Variants in ITGAL observed in about 807,000 individuals in gnomAD.
ITGAL encodes the protein integrin subunit alpha L.
ITGAL carries 68 observed loss-of-function variants against 138.4 expected under a neutral mutation model. That is an observed-to-expected ratio of 0.49 (90% CI 0.40 to 0.60). ITGAL has a LOEUF of 0.60. ITGAL is among the 20% of genes least tolerant of loss of function. ITGAL has a pLI of 0.00. For synonymous variants in ITGAL, 561 were observed against 584.3 expected (o/e 0.96, Z 0.57); for missense variants, 1,256 against 1,478.6 (o/e 0.85, Z 2.47).
At chr16:30,475,084 C>T (rs1299736539) in intron 2 of ITGAL, among the ~76,000 whole-genome samples, 1 of 152,030 alleles carries the variant, frequency 6.6e-6, no homozygotes, top group South Asian at 2.1e-4. Flanking sequence ...GTCTCAAGTT[C>T]CTGACCTCAG....
intron 21 of ITGAL, among the ~76,000 whole-genome samples, chr16:30,508,152 C>T (rs1297585208): frequency 2.0e-5 from 3 of 151,640 alleles, no homozygotes; most frequent in Admixed American, 6.6e-5. Flanking sequence ...TCATGATCCA[C>T]CCGCCTCAGC....
chr16:30,494,727 C>T lies in ITGAL; in HGVS notation c.1380C>T (p.Phe460=), dbSNP rs547379546. 4.2e-5 allele frequency: 68 copies of T among 1,609,360 alleles called. 1 individual carries two copies. In the Middle Eastern group the frequency reaches 1.5e-3, roughly 36 times the overall value. ...TIHGTQIGSY[F]GGELCGVDVD... ...TCTCCCCACAGATTGGCTCTTATTT[C>T]GGTGGGGAGCTGTGTGGCGTCGACG... Residue 460 remains phenylalanine (F), a synonymous_variant, in exon 13 of 31, where the codon TTC becomes TTT. Transcript: ENST00000356798. This position sits in a 1 kb window ranked among gnomAD's most constrained non-coding sequence, Gnocchi z 4.2.
chr16:30,491,387 C>T (rs1296093383), intron 11 of ITGAL, among the ~76,000 whole-genome samples: 3 of 151,226 alleles, frequency 2.0e-5, no homozygotes, highest in African/African-American at 7.3e-5. Context: ...GGTGACAGAG[C>T]AAAACTCTGT....
At chr16:30,481,617 T>G in intron 7 of ITGAL, 33 bp downstream of exon 7, 1 of 1,609,788 alleles carries the variant, frequency 6.2e-7, no homozygotes, top group Non-Finnish European at 8.5e-7. Flanking sequence ...GCACGTGTCC[T>G]GTGATTTGTT....
intron 7 of ITGAL, among the ~76,000 whole-genome samples, chr16:30,482,142 G>C (rs1027100797): frequency 1.3e-5 from 2 of 152,012 alleles, no homozygotes; most frequent in African/African-American, 4.8e-5. Context: ...TGATCCACCT[G>C]CCTCACCCTC....
chr16:30,508,773 C>T (rs1317751783), intron 21 of ITGAL, among the ~76,000 whole-genome samples: 2 of 151,980 alleles, frequency 1.3e-5, no homozygotes, highest in South Asian at 2.1e-4. Flanking sequence ...GTGGGTGGAT[C>T]GCTGGAGTCC....
intron 21 of ITGAL, chr16:30,509,568 A>G (rs907955851): frequency 6.6e-6 from 1 of 152,016 alleles, no homozygotes; most frequent in Non-Finnish European, 1.5e-5. Context: ...ATAGTGTTGC[A>G]ATTACCCCCC....
chr16:30,505,440 A>G lies in ITGAL; in HGVS notation c.2344A>G (p.Arg782Gly). The change falls in exon 20 of 31, where the codon AGA (arginine) becomes GGA (glycine). Residue 782 changes from arginine to glycine, a missense_variant. Arg to Gly is a moderately radical substitution (Grantham distance 125). Transcript: ENST00000356798. ...GEDKKCEANLRVSFSPARSRA... is the reference protein window; with the variant it reads ...GEDKKCEANLGVSFSPARSRA... ...GGACAAGAAGTGTGAGGCAAACTTGAGAGTGTCCTTCTCTCCTGCAAGGTC... is the reference window on the plus strand; with the variant it reads ...GGACAAGAAGTGTGAGGCAAACTTGGGAGTGTCCTTCTCTCCTGCAAGGTC... 1 of 1,613,878 alleles carries G rather than the reference A, an allele frequency of 6.2e-7. No homozygotes were observed. Among genetic ancestry groups the G allele is most frequent in the Non-Finnish European group, 8.5e-7 (1 of 1,179,940 alleles).
intron 25 of ITGAL, 67 bp from the exon 26 acceptor site, chr16:30,516,906 A>T: frequency 8.9e-7 from 1 of 1,118,816 alleles, no homozygotes; most frequent in Non-Finnish European, 1.4e-6. Context: ...GCAAGGGCAC[A>T]CAGGGTCTGG....
chr16:30,472,747 T>C lies in ITGAL; in HGVS notation c.-91T>C. The stretch of plus-strand genomic sequence containing the variant: ...GTAAGAGGCCAAAGGGCATGATCAT[T>C]TTCCTCTTTCACCCTGTCTAGGTTG... On this transcript the variant is annotated 5_prime_UTR_variant, in exon 1 of 31. Transcript: ENST00000356798. 4 of 1,178,914 alleles carry C rather than the reference T, an allele frequency of 3.4e-6. No homozygotes were observed. Among genetic ancestry groups the C allele is most frequent in the Non-Finnish European group, 5.0e-6 (4 of 801,650 alleles). 73.0% of individuals were successfully genotyped at this position (1,178,914 alleles called of 1,614,324 possible).
chr16:30,521,014 GCGGAGC>G (rs1233004897), intron 30 of ITGAL, among the ~76,000 whole-genome samples: 1 of 152,062 alleles, frequency 6.6e-6, no homozygotes, highest in Admixed American at 6.6e-5. Flanking sequence ...AACCTGGGAG[GCGGAGC>G]TTGCGGTGAG....
rs770074329 is a variant in ITGAL at position 30,499,319 on chromosome 16, C to T, written c.1994-19C>T. On this transcript the variant is annotated intron_variant, in intron 16 of 30. Transcript: ENST00000356798. ...GGGATCCCCCACCATTTAACTCTTG[C>T]CTTTTCCGCCCTGCCCAGGCCGCCT... 3 of 1,613,890 alleles carry T rather than the reference C, an allele frequency of 1.9e-6. No homozygotes were observed. The highest frequency in any genetic ancestry group is 2.2e-5 in the South Asian group (2 of 91,066).
In ITGAL at chr16:30,499,329, C is replaced by G. The variant is rs1271607916; in HGVS notation, c.1994-9C>G. On this transcript the variant is annotated splice_polypyrimidine_tract_variant and intron_variant, in intron 16 of 30. Coordinates refer to ENST00000356798, the MANE Select transcript of ITGAL (RefSeq NM_002209.3). ...ACCATTTAACTCTTGCCTTTTCCGC[C>G]CTGCCCAGGCCGCCTGGTTGCCAAT... The G allele has an allele frequency of 6.2e-7, 1 of 1,613,950 alleles. No homozygotes were observed. Among genetic ancestry groups the G allele is most frequent in the Non-Finnish European group, 8.5e-7 (1 of 1,179,966 alleles).
At chr16:30,481,628 C>G in intron 7 of ITGAL, 44 bp downstream of exon 7, 1 of 1,595,984 alleles carries the variant, frequency 6.3e-7, no homozygotes, top group Non-Finnish European at 8.6e-7. Flanking sequence ...GTGATTTGTT[C>G]TGGGTGATCT....
rs867099322 is a variant in ITGAL, at chr16:30,494,123, C to A, written c.1214-89C>A. 2.6e-5 allele frequency: 32 copies of A among 1,212,438 alleles called. No homozygotes were observed. In the Middle Eastern group the frequency reaches 1.0e-3, roughly 39 times the overall value. The allele number at this position is 1,212,438 out of a possible 1,614,324, so 75.1% of individuals were successfully genotyped here. Reference sequence around the variant, plus strand: ...GTTTCCATGCATCTCTGCTACTAACCCAATTCCCTGGGGCCCCTGCCCCTC... The same window carrying A: ...GTTTCCATGCATCTCTGCTACTAACACAATTCCCTGGGGCCCCTGCCCCTC... On this transcript the variant is annotated intron_variant, in intron 11 of 30. Coordinates refer to ENST00000356798, the MANE Select transcript of ITGAL (RefSeq NM_002209.3). This position sits in a 1 kb window ranked among gnomAD's most constrained non-coding sequence, Gnocchi z 4.2.
Position 30,507,450 on chromosome 16 carries a change from T to G in ITGAL, c.2508+594T>G, listed in dbSNP as rs977586441. ...ACTCCAACCTGGGCGACAGCGAAACTCCGTCTCAAAAAAAAAACAAAAAAA... is the reference window on the plus strand; with the variant it reads ...ACTCCAACCTGGGCGACAGCGAAACGCCGTCTCAAAAAAAAAACAAAAAAA... On this transcript the variant is annotated intron_variant, in intron 21 of 30. Coordinates refer to ENST00000356798, the MANE Select transcript of ITGAL (RefSeq NM_002209.3). Among the ~76,000 whole-genome samples, 4 of 101,592 alleles carry G rather than the reference T, an allele frequency of 3.9e-5. No individual in the cohort carries two copies. The East Asian group carries it at 1.1e-3, about 27-fold the overall frequency. 66.6% of individuals were successfully genotyped at this position (101,592 alleles called of 152,430 possible).
At chr16:30,493,565 C>G (rs911726440) in intron 11 of ITGAL, among the ~76,000 whole-genome samples, 1 of 152,030 alleles carries the variant, frequency 6.6e-6, no homozygotes, top group Non-Finnish European at 1.5e-5. Context: ...CGTGAGCCAC[C>G]GCACCTGGAC....
In ITGAL at chr16:30,474,177, C is replaced by T. The variant is rs1013270161; in HGVS notation, c.62-19C>T. On this transcript the variant is annotated intron_variant, in intron 1 of 30. Coordinates refer to ENST00000356798, the MANE Select transcript of ITGAL (RefSeq NM_002209.3). ...GCGGGGGTCCCTCGGTCGCAGCTGA[C>T]GACCCTTGCCTTCCTCAGCGCCGGC... is the stretch of plus-strand genomic sequence containing the variant. The T allele has an allele frequency of 2.8e-5, 44 of 1,568,014 alleles. 2 individuals carry two copies. Among genetic ancestry groups the T allele is most frequent in the South Asian group, 1.3e-4 (11 of 86,856 alleles).
chr16:30,492,214 A>G (rs886231689), intron 11 of ITGAL, among the ~76,000 whole-genome samples: 2 of 151,970 alleles, frequency 1.3e-5, no homozygotes, highest in African/African-American at 2.4e-5. Context: ...CAGGAAGTTG[A>G]AGATGAAGAC....
Sources: allele counts gnomAD v4.1 joint callset (sites outside exome capture counted in the v4.1 genomes callset), GRCh38; gene constraint gnomAD v4.1.1; non-coding constraint Gnocchi (gnomAD v3.1); transcripts MANE v1.5; gene names NCBI Gene and HGNC (gene_info 2026-07-23, HGNC 2026-07-21).